SEMA3A: variants seen among roughly 807,000 people sequenced by gnomAD.
SEMA3A encodes the protein semaphorin-3A.
SEMA3A carries 29 observed loss-of-function variants against 97.9 expected under a neutral mutation model. The observed-to-expected ratio is 0.30, with a 90% CI of 0.22 to 0.40. The LOEUF (loss-of-function observed/expected upper bound fraction) is 0.40. Ranked by LOEUF, SEMA3A falls within the 10% of genes least tolerant of loss-of-function variation. SEMA3A has a pLI of 1.00. For missense variants in SEMA3A, 763 were observed against 951.3 expected (o/e 0.80, Z 2.60); for synonymous variants, 321 against 323.7 (o/e 0.99, Z 0.09).
At chr7:84,366,875 A>G (rs62472626) in intron 2 of SEMA3A, among the ~76,000 whole-genome samples, 10,381 of 151,374 alleles carry the variant, frequency 0.069, 385 homozygotes, top group East Asian at 0.13. Flanking sequence ...TTGGTTATGC[A>G]GGATTTTTTT....
chr7:84,028,505 T>C (rs888684444), intron 6 of SEMA3A, among the ~76,000 whole-genome samples: 1 of 152,232 alleles, frequency 6.6e-6, no homozygotes, highest in Non-Finnish European at 1.5e-5. Context: ...TTATGGTCTT[T>C]AACATTTTAT....
At position 84,167,664 on chromosome 7, in the gene SEMA3A, A is replaced by T. The variant is rs151147697; in HGVS notation, c.112+26811T>A. Among the ~76,000 whole-genome samples the T allele has an allele frequency of 1.1e-3, 175 of 152,290 alleles. 1 individual carries two copies. In the East Asian group the frequency reaches 0.013, roughly 11 times the overall value. Reference sequence around the variant, plus strand: ...TAAGTGGTGTTAATAAAATAAGACAAAGGGAAATGATAATTATCTGGTACA... The same window carrying T: ...TAAGTGGTGTTAATAAAATAAGACATAGGGAAATGATAATTATCTGGTACA... On this transcript the variant is annotated intron_variant, in intron 1 of 16. Transcript: ENST00000265362.
At chr7:84,108,402 C>G (rs1795175241) in intron 4 of SEMA3A, among the ~76,000 whole-genome samples, 1 of 151,556 alleles carries the variant, frequency 6.6e-6, no homozygotes, top group Admixed American at 6.6e-5. Flanking sequence ...CAGTGGAAGG[C>G]AGTTAGAGGT....
chr7:84,457,711 T>C (rs1294221770), intron 1 of SEMA3A, among the ~76,000 whole-genome samples: 1 of 151,998 alleles, frequency 6.6e-6, no homozygotes, highest in Non-Finnish European at 1.5e-5. Context: ...TGAAGTGTTC[T>C]GACTTGAAAA....
At chr7:84,044,921 G>C (rs1792289725) in intron 6 of SEMA3A, among the ~76,000 whole-genome samples, 1 of 152,054 alleles carries the variant, frequency 6.6e-6, no homozygotes, top group African/African-American at 2.4e-5. Flanking sequence ...GGTCAAACGT[G>C]GAGGCAGGGA....
At chr7:83,990,693 C>G (rs901466354) in intron 12 of SEMA3A, among the ~76,000 whole-genome samples, 6 of 124,654 alleles carry the variant, frequency 4.8e-5, no homozygotes, top group African/African-American at 8.9e-5. Context: ...TGTTTTGGTA[C>G]CAGTACCATG....
At chr7:84,434,954 A>C (rs1483534675) in intron 1 of SEMA3A, among the ~76,000 whole-genome samples, 2 of 152,162 alleles carry the variant, frequency 1.3e-5, no homozygotes, top group Non-Finnish European at 2.9e-5. Flanking sequence ...GAACAAGACA[A>C]GGATGCTCAC....
intron 6 of SEMA3A, among the ~76,000 whole-genome samples, chr7:84,017,119 C>T (rs750530734): frequency 4.6e-5 from 7 of 152,026 alleles, no homozygotes; most frequent in Non-Finnish European, 1.0e-4. Flanking sequence ...CTAACAAAAG[C>T]AATGTTAAAA....
At chr7:84,398,676 C>T (rs566269550) in intron 1 of SEMA3A, among the ~76,000 whole-genome samples, 17 of 151,872 alleles carry the variant, frequency 1.1e-4, no homozygotes, top group Non-Finnish European at 2.4e-4. Flanking sequence ...AACCTGGTGG[C>T]ATGTGCCTGT....
At chr7:84,476,084 C>T (rs1386830776) in intron 1 of SEMA3A, among the ~76,000 whole-genome samples, 1 of 151,824 alleles carries the variant, frequency 6.6e-6, no homozygotes, top group African/African-American at 2.4e-5. Context: ...TGGCCAGGTG[C>T]GGTGGCTCAT....
At chr7:84,361,117 G>T (rs611442) in intron 2 of SEMA3A, among the ~76,000 whole-genome samples, 43,615 of 151,812 alleles carry the variant, frequency 0.29, 6,745 homozygotes, top group African/African-American at 0.38. Context: ...TGAGAGATAA[G>T]ATTTTAACAG....
At chr7:84,403,009 G>C (rs1422308356) in intron 1 of SEMA3A, among the ~76,000 whole-genome samples, 1 of 152,120 alleles carries the variant, frequency 6.6e-6, no homozygotes, top group Admixed American at 6.5e-5. Context: ...TCCAACTGAG[G>C]TAATGGGTTC....
chr7:84,462,092 TG>T (rs1441281477), intron 1 of SEMA3A, among the ~76,000 whole-genome samples: 1 of 152,134 alleles, frequency 6.6e-6, no homozygotes, highest in African/African-American at 2.4e-5. Flanking sequence ...TCTCTCTTCG[TG>T]AATATATAAT....
intron 4 of SEMA3A, among the ~76,000 whole-genome samples, chr7:84,063,854 T>A (rs1020634879): frequency 4.7e-5 from 7 of 149,808 alleles, no homozygotes; most frequent in South Asian, 2.2e-4. Flanking sequence ...TGCAGGATAT[T>A]ATCCAGGAGA....
chr7:83,973,889 A>T (rs2116294152), intron 15 of SEMA3A, among the ~76,000 whole-genome samples: 1 of 141,160 alleles, frequency 7.1e-6, no homozygotes, highest in East Asian at 2.2e-4. Flanking sequence ...AAAAAAAATT[A>T]GTACTGATGG....
intron 1 of SEMA3A, among the ~76,000 whole-genome samples, chr7:84,399,058 C>G (rs771796872): frequency 1.3e-5 from 2 of 152,112 alleles, no homozygotes; most frequent in African/African-American, 2.4e-5. Context: ...CAGTCTTGAA[C>G]AGCCTATACC....
At chr7:84,454,068 G>A (rs993557322) in intron 1 of SEMA3A, among the ~76,000 whole-genome samples, 11 of 152,184 alleles carry the variant, frequency 7.2e-5, no homozygotes, top group Non-Finnish European at 1.5e-4. Flanking sequence ...ACATGGAGAT[G>A]TAATTTGTTA....
intron 4 of SEMA3A, among the ~76,000 whole-genome samples, chr7:84,061,864 G>A (rs1424064332): frequency 1.3e-5 from 2 of 152,238 alleles, no homozygotes; most frequent in African/African-American, 4.8e-5. Context: ...CTGTACCAAT[G>A]ATATTTCTTT....
intron 2 of SEMA3A, among the ~76,000 whole-genome samples, chr7:84,331,547 A>G (rs994005917): frequency 5.9e-5 from 9 of 152,078 alleles, no homozygotes; most frequent in African/African-American, 2.2e-4. Context: ...CTAACTAATC[A>G]TTGTTCATTA....
Sources: allele counts gnomAD v4.1 joint callset (sites outside exome capture counted in the v4.1 genomes callset), GRCh38; gene constraint gnomAD v4.1.1; transcripts MANE v1.5; gene names NCBI Gene and HGNC (gene_info 2026-07-23, HGNC 2026-07-21).